AGAP1: variants seen among roughly 807,000 people sequenced by gnomAD.
AGAP1 encodes the protein ArfGAP with GTPase domain, ankyrin repeat and PH domain 1, also known as arf-GAP with GTPase, ANK repeat and PH domain-containing protein 1.
Under a neutral mutation model 105.3 loss-of-function variants are expected in AGAP1, and 29 were observed. The observed-to-expected ratio is 0.28, with a 90% CI of 0.21 to 0.38. The LOEUF (loss-of-function observed/expected upper bound fraction) is 0.38. Among genes scored for constraint, AGAP1 ranks in the 10% least tolerant of loss-of-function variants. The probability of loss-of-function intolerance (pLI) is 1.00; values close to 1 mark genes in which losing one functional copy is unlikely to be tolerated. For synonymous variants in AGAP1, 509 were observed against 485.9 expected, an observed-to-expected ratio of 1.05 and a Z score of -0.63; for missense variants, 998 against 1,165.1, an observed-to-expected ratio of 0.86 and a Z score of 2.09.
rs370171810 is a variant in AGAP1, at chr2:235,862,141, G to GTTCATCCATGGCTCCA, written c.1051-21188_1051-21173dup. The stretch of plus-strand genomic sequence containing the variant: ...ACTCAGGGGCCCTGCTGTCCTGGGT[G>GTTCATCCATGGCTCCA]TTCATCCATGGCTCCATTCATCCAT... On this transcript the variant is annotated intron_variant, in intron 9 of 17. Transcript: ENST00000304032. Among the ~76,000 whole-genome samples the GTTCATCCATGGCTCCA allele has an allele frequency of 1.0e-2, 1,519 of 152,156 alleles. 23 individuals are homozygous for GTTCATCCATGGCTCCA. The highest frequency in any genetic ancestry group is 0.035 in the African/African-American group (1,464 of 41,444).
chr2:235,893,919 T>A lies in AGAP1; in HGVS notation c.1155+10470T>A, dbSNP rs1421821032. ...ATTGTGGTATGATTGAGACTAACAG[T>A]ACTCACCATGTCTTACAACATGACC... On this transcript the variant is annotated intron_variant, in intron 10 of 17. Coordinates refer to ENST00000304032, the MANE Select transcript of AGAP1 (RefSeq NM_001037131.3). The surrounding 1 kb of genome is among the most constrained non-coding windows in gnomAD (Gnocchi z 4.7). Among the ~76,000 whole-genome samples the A allele has an allele frequency of 6.6e-6, 1 of 152,138 alleles. No homozygotes were observed. Among genetic ancestry groups the A allele is most frequent in the Non-Finnish European group, 1.5e-5 (1 of 68,034 alleles).
At chr2:235,668,037 C>G (rs1468739590) in intron 1 of AGAP1, among the ~76,000 whole-genome samples, 2 of 151,338 alleles carry the variant, frequency 1.3e-5, no homozygotes, top group Non-Finnish European at 2.9e-5. Flanking sequence ...GGAGACCCCT[C>G]CTTACAATGA....
At chr2:236,010,413 A>G (rs537974232) in intron 13 of AGAP1, among the ~76,000 whole-genome samples, 1 of 152,358 alleles carries the variant, frequency 6.6e-6, no homozygotes, top group East Asian at 1.9e-4. Context: ...TTGGTCATCC[A>G]GACACAAGAT....
chr2:235,990,076 T>TA (rs1176264204), intron 13 of AGAP1, among the ~76,000 whole-genome samples: 2 of 152,214 alleles, frequency 1.3e-5, no homozygotes, highest in Non-Finnish European at 2.9e-5. Flanking sequence ...AAGCCGTTCT[T>TA]ATGTTGTCCC....
chr2:235,875,965 A>G lies in AGAP1; in HGVS notation c.1051-7380A>G, dbSNP rs2106586023. Reference sequence around the variant, plus strand: ...CATTTAATGAGAGTTAAGTTTGACCATATAATGGAACAAATGTTAATTTCC... The same window carrying G: ...CATTTAATGAGAGTTAAGTTTGACCGTATAATGGAACAAATGTTAATTTCC... On this transcript the variant is annotated intron_variant, in intron 9 of 17. Coordinates refer to ENST00000304032, the MANE Select transcript of AGAP1 (RefSeq NM_001037131.3). The surrounding 1 kb of genome is among the most constrained non-coding windows in gnomAD (Gnocchi z 4.0). Among the ~76,000 whole-genome samples, 1 of 152,338 alleles carries G rather than the reference A, an allele frequency of 6.6e-6. No homozygotes were observed.
At chr2:235,524,530 G>T in intron 1 of AGAP1, 1 of 337,436 alleles carries the variant, frequency 3.0e-6, no homozygotes, top group South Asian at 2.5e-5. Flanking sequence ...GCTGCACCCA[G>T]CCCCCATGGG....
rs1339724312 is a variant in AGAP1, at chr2:236,083,487, A to G, written c.2114+34206A>G. Among the ~76,000 whole-genome samples, 18 of 152,136 alleles carry G rather than the reference A, an allele frequency of 1.2e-4. No homozygotes were observed. The highest frequency in any genetic ancestry group is 2.1e-4 in the South Asian group (1 of 4,824). On this transcript the variant is annotated intron_variant, in intron 16 of 17. Transcript: ENST00000304032. This position sits in a 1 kb window ranked among gnomAD's most constrained non-coding sequence, Gnocchi z 5.3. Reference sequence around the variant, plus strand: ...CCTAAATGCTGCAACTGATTCTTCTATTATTTTGAAGAGCCTGTTTATTTT... The same window carrying G: ...CCTAAATGCTGCAACTGATTCTTCTGTTATTTTGAAGAGCCTGTTTATTTT...
At position 235,879,369 on chromosome 2, in the gene AGAP1, G is replaced by A. The variant is rs2049899840; in HGVS notation, c.1051-3976G>A. Among the ~76,000 whole-genome samples, 1 of 152,128 alleles carries A rather than the reference G, an allele frequency of 6.6e-6. No individual in the cohort carries two copies. Among genetic ancestry groups the A allele is most frequent in the Non-Finnish European group, 1.5e-5 (1 of 68,034 alleles). On this transcript the variant is annotated intron_variant, in intron 9 of 17. Transcript: ENST00000304032. The surrounding 1 kb of genome is among the most constrained non-coding windows in gnomAD (Gnocchi z 5.0). ...TGGTCGCCACAGCAATTCTTGGGGGGGTCAGATAATAAACCCAACTGGGGC... is the reference window on the plus strand; with the variant it reads ...TGGTCGCCACAGCAATTCTTGGGGGAGTCAGATAATAAACCCAACTGGGGC...
chr2:235,981,266 TTAAA>T lies in AGAP1; in HGVS notation c.1645+12650_1645+12653del, dbSNP rs1187379463. Among the ~76,000 whole-genome samples the T allele has an allele frequency of 2.0e-5, 3 of 152,262 alleles. No individual in the cohort carries two copies. Among genetic ancestry groups the T allele is most frequent in the Non-Finnish European group, 4.4e-5 (3 of 68,024 alleles). On this transcript the variant is annotated intron_variant, in intron 13 of 17. Coordinates refer to ENST00000304032, the MANE Select transcript of AGAP1 (RefSeq NM_001037131.3). The surrounding 1 kb of genome is among the most constrained non-coding windows in gnomAD (Gnocchi z 5.5). Reference sequence around the variant, plus strand: ...AATAACTTGATTTGACTCTTCTTAATTAAATAAATAGGTAGCTTTGTTCTTTGGC... The same window carrying T: ...AATAACTTGATTTGACTCTTCTTAATTAAATAGGTAGCTTTGTTCTTTGGC...
At chr2:235,647,132 A>T (rs1011728316) in intron 1 of AGAP1, among the ~76,000 whole-genome samples, 3 of 152,112 alleles carry the variant, frequency 2.0e-5, no homozygotes, top group Non-Finnish European at 4.4e-5. Flanking sequence ...AAAAAAAAAA[A>T]AAAAAGAAAA....
intron 1 of AGAP1, chr2:235,524,660 T>A (rs1942762133): frequency 5.8e-6 from 1 of 171,732 alleles, no homozygotes; most frequent in Non-Finnish European, 1.4e-5. Flanking sequence ...TAACAACAGC[T>A]CCTGCTGCCC....
rs367987079 is a variant in AGAP1, at chr2:236,089,943, GA to G, written c.2115-30238del. On this transcript the variant is annotated intron_variant, in intron 16 of 17. Coordinates refer to ENST00000304032, the MANE Select transcript of AGAP1 (RefSeq NM_001037131.3). This position sits in a 1 kb window ranked among gnomAD's most constrained non-coding sequence, Gnocchi z 5.6. ...TCAAGTCGTACTTATAACTAGGTTG[GA>G]AAAAAAAAAACTCACACTGCTCCTA... Among the ~76,000 whole-genome samples, 561 of 146,184 alleles carry G rather than the reference GA, an allele frequency of 3.8e-3. 2 individuals carry two copies. The highest frequency in any genetic ancestry group is 0.013 in the African/African-American group (510 of 40,136).
At position 235,994,531 on chromosome 2, in the gene AGAP1, C is replaced by T. The variant is rs1265721339; in HGVS notation, c.1645+25908C>T. On this transcript the variant is annotated intron_variant, in intron 13 of 17. Coordinates refer to ENST00000304032, the MANE Select transcript of AGAP1 (RefSeq NM_001037131.3). The surrounding 1 kb of genome is among the most constrained non-coding windows in gnomAD (Gnocchi z 4.4). ...TTGAGAAGTAGGTCATCACTGTCAT[C>T]GTCATAGTGGGGACACACTGAGAGG... Among the ~76,000 whole-genome samples the T allele has an allele frequency of 2.0e-5, 3 of 151,756 alleles. No homozygotes were observed. The highest frequency in any genetic ancestry group is 2.4e-5 in the African/African-American group (1 of 41,362).
intron 13 of AGAP1, among the ~76,000 whole-genome samples, chr2:236,030,777 G>A (rs1254409267): frequency 1.3e-5 from 2 of 152,172 alleles, no homozygotes; most frequent in Admixed American, 6.5e-5. Flanking sequence ...AGAGGAGAGC[G>A]ACAGCACAAA....
Position 235,723,290 on chromosome 2 carries a change from G to A in AGAP1, c.310+5646G>A, listed in dbSNP as rs986948114. On this transcript the variant is annotated intron_variant, in intron 3 of 17. Transcript: ENST00000304032. This position sits in a 1 kb window ranked among gnomAD's most constrained non-coding sequence, Gnocchi z 6.2. ...TGTGTAATGTGACTTCCCTCGTGGT[G>A]TGTTTATGTGCTTAATATTCAGCGT... Among the ~76,000 whole-genome samples the A allele has an allele frequency of 7.2e-5, 11 of 152,204 alleles. No homozygotes were observed. Among genetic ancestry groups the A allele is most frequent in the African/African-American group, 2.2e-4 (9 of 41,444 alleles).
intron 1 of AGAP1, among the ~76,000 whole-genome samples, chr2:235,529,194 T>C (rs1476228551): frequency 2.0e-5 from 3 of 152,200 alleles, no homozygotes; most frequent in Admixed American, 6.5e-5. Context: ...GCCTTGGCGC[T>C]GGTCCTTTCT....
At position 235,572,976 on chromosome 2, in the gene AGAP1, T is replaced by TTTCTTCTTCTTC. The variant is rs1172737406; in HGVS notation, c.163+78202_163+78213dup. Among the ~76,000 whole-genome samples, 24 of 104,068 alleles carry TTTCTTCTTCTTC rather than the reference T, an allele frequency of 2.3e-4. 1 individual carries two copies. The highest frequency in any genetic ancestry group is 3.6e-4 in the Non-Finnish European group (19 of 52,520). The allele number at this position is 104,068 out of a possible 152,430, so 68.3% of individuals were successfully genotyped here. A position where few individuals can be genotyped will look rare whatever the true frequency, so the allele number is the denominator to read the frequency against. ...CAGACTCCCCGATTGCTCCATCTTTTTTCTTCTTCTTCTTCTTCTTCTTCT... is the reference window on the plus strand; with the variant it reads ...CAGACTCCCCGATTGCTCCATCTTTTTTCTTCTTCTTCTTCTTCTTCTTCTTCTTCTTCTTCT... On this transcript the variant is annotated intron_variant, in intron 1 of 17. Transcript: ENST00000304032.
intron 3 of AGAP1, among the ~76,000 whole-genome samples, chr2:235,731,384 A>G (rs1951936874): frequency 6.6e-6 from 1 of 152,232 alleles, no homozygotes; most frequent in South Asian, 2.1e-4. Flanking sequence ...AGAGATTTAT[A>G]GAATCTTTTT....
rs1476495078 is a variant in AGAP1, at chr2:235,712,758, C to CTGTGAT, written c.222+3523_222+3528dup. 6.6e-6 allele frequency among the ~76,000 whole-genome samples: 1 copy of CTGTGAT among 152,226 alleles called. No individual in the cohort carries two copies. The highest frequency in any genetic ancestry group is 1.5e-5 in the Non-Finnish European group (1 of 68,040). On this transcript the variant is annotated intron_variant, in intron 2 of 17. Coordinates refer to ENST00000304032, the MANE Select transcript of AGAP1 (RefSeq NM_001037131.3). The surrounding 1 kb of genome is among the most constrained non-coding windows in gnomAD (Gnocchi z 6.0). ...CTCTTCCTGCCTTAAGTACGTAGTT[C>CTGTGAT]TGTGATTTTCAAGACACCTCATTCC...
Sources: allele counts gnomAD v4.1 joint callset (sites outside exome capture counted in the v4.1 genomes callset), GRCh38; gene constraint gnomAD v4.1.1; non-coding constraint Gnocchi (gnomAD v3.1); transcripts MANE v1.5; gene names NCBI Gene and HGNC (gene_info 2026-07-23, HGNC 2026-07-21).